The following MCTP2 variants were observed in gnomAD, a reference collection of about 807,000 sequenced individuals.
MCTP2 encodes multiple C2 and transmembrane domain-containing protein 2.
A neutral mutation model predicts 111.6 loss-of-function variants in MCTP2; 132 were observed. That is an observed-to-expected ratio of 1.18 (90% CI 1.03 to 1.37). The LOEUF is 1.37. MCTP2 is among the 40% of genes most tolerant of loss of function. The probability of loss-of-function intolerance (pLI) is 0.00; values close to 1 mark genes in which losing one functional copy is unlikely to be tolerated. For missense variants in MCTP2, 1,183 were observed against 1,067.9 expected (o/e 1.11, Z -1.50); for synonymous variants, 395 against 387.7 (o/e 1.02, Z -0.22).
At chr15:94,379,340 C>T (rs2079967627) in intron 12 of MCTP2, among the ~76,000 whole-genome samples, 1 of 152,010 alleles carries the variant, frequency 6.6e-6, no homozygotes, top group African/African-American at 2.4e-5. Context: ...TTAAAATGTG[C>T]TCCAATATCT....
At chr15:94,276,212 A>C (rs2074203411) in intron 1 of MCTP2, among the ~76,000 whole-genome samples, 1 of 152,204 alleles carries the variant, frequency 6.6e-6, no homozygotes. Flanking sequence ...AGAAAAAATA[A>C]TACTAAAAAT....
chr15:94,244,860 A>T (rs2152245826), intron 1 of MCTP2, among the ~76,000 whole-genome samples: 1 of 112,930 alleles, frequency 8.9e-6, no homozygotes, highest in African/African-American at 2.9e-5. Flanking sequence ...GTATACACAT[A>T]CATATGCACC....
chr15:94,402,696 A>T (rs760845918), intron 17 of MCTP2: 13 of 1,468,786 alleles, frequency 8.9e-6, no homozygotes, highest in Non-Finnish European at 1.2e-5. Context: ...ATTTTCTCTC[A>T]TTTGTAAAGG....
chr15:94,241,748 T>G (rs1218785284), intron 1 of MCTP2, among the ~76,000 whole-genome samples: 1 of 152,028 alleles, frequency 6.6e-6, no homozygotes, highest in Non-Finnish European at 1.5e-5. Flanking sequence ...ATCCTGTGCC[T>G]CTAGGCACAA....
chr15:94,355,013 G>T (rs1313571243), intron 8 of MCTP2, among the ~76,000 whole-genome samples: 1 of 152,206 alleles, frequency 6.6e-6, no homozygotes, highest in Non-Finnish European at 1.5e-5. Context: ...GCCTATGCTT[G>T]TGTTATTTCA....
At chr15:94,360,080 C>CT (rs1219083826) in intron 10 of MCTP2, among the ~76,000 whole-genome samples, 1 of 152,276 alleles carries the variant, frequency 6.6e-6, no homozygotes, top group South Asian at 2.1e-4. Context: ...CACAGCATCC[C>CT]TTTTTTTCAT....
At chr15:94,330,275 A>G (rs1178850864) in intron 4 of MCTP2, among the ~76,000 whole-genome samples, 1 of 152,150 alleles carries the variant, frequency 6.6e-6, no homozygotes, top group Non-Finnish European at 1.5e-5. Flanking sequence ...TTTTCTATAA[A>G]GGCTGGTGTC....
At chr15:94,338,487 CATTTTT>C (rs779025075) in intron 4 of MCTP2, among the ~76,000 whole-genome samples, 3 of 115,662 alleles carry the variant, frequency 2.6e-5, no homozygotes, top group African/African-American at 1.2e-4. Context: ...TGTTTGCAGG[CATTTTT>C]TTTTTTTTTT....
chr15:94,451,405 A>C (rs2084455415), intron 19 of MCTP2, among the ~76,000 whole-genome samples: 1 of 152,224 alleles, frequency 6.6e-6, no homozygotes, highest in Non-Finnish European at 1.5e-5. Flanking sequence ...AATTTTATTT[A>C]TGCCTCCACA....
chr15:94,370,312 C>A, intron 12 of MCTP2, 132 bp downstream of exon 12: 3 of 603,706 alleles, frequency 5.0e-6, no homozygotes, highest in Non-Finnish European at 8.1e-6. Context: ...AGAGTCATAG[C>A]AAAAAAGAGG....
intron 4 of MCTP2, among the ~76,000 whole-genome samples, chr15:94,338,463 T>A (rs540002103): frequency 6.6e-6 from 1 of 151,370 alleles, no homozygotes; most frequent in African/African-American, 2.4e-5. Flanking sequence ...GCACAATACA[T>A]AATTCATGTA....
chr15:94,324,560 C>G (rs1220244413), intron 4 of MCTP2, among the ~76,000 whole-genome samples: 2 of 152,176 alleles, frequency 1.3e-5, no homozygotes. Context: ...TAAATGAACA[C>G]TCATTCAGAA....
chr15:94,379,083 A>G (rs554400583), intron 12 of MCTP2, among the ~76,000 whole-genome samples: 1 of 148,552 alleles, frequency 6.7e-6, no homozygotes, highest in African/African-American at 2.6e-5. Flanking sequence ...TTTTTTTTTA[A>G]TGTTTTCCTT....
intron 2 of MCTP2, 60 bp downstream of exon 2, chr15:94,298,790 C>A: frequency 8.8e-7 from 1 of 1,141,996 alleles, no homozygotes; most frequent in Non-Finnish European, 1.2e-6. Context: ...CTTTCCCTCT[C>A]TTTCTCCCTC....
intron 1 of MCTP2, among the ~76,000 whole-genome samples, chr15:94,272,788 T>G (rs1171312506): frequency 6.6e-6 from 1 of 152,190 alleles, no homozygotes; most frequent in Non-Finnish European, 1.5e-5. Flanking sequence ...TTTATGCTGC[T>G]CTAAGAAACC....
At chr15:94,478,523 T>A (rs1232988813) in intron 22 of MCTP2, among the ~76,000 whole-genome samples, 2 of 152,196 alleles carry the variant, frequency 1.3e-5, no homozygotes, top group African/African-American at 4.8e-5. Flanking sequence ...ATTTCAGCAT[T>A]TTTTCCTCTC....
At chr15:94,296,757 A>T in intron 1 of MCTP2, among the ~76,000 whole-genome samples, 1 of 152,190 alleles carries the variant, frequency 6.6e-6, no homozygotes, top group South Asian at 2.1e-4. Flanking sequence ...ACCTGGTCCT[A>T]CCTCTAAGTA....
intron 17 of MCTP2, chr15:94,403,157 G>A: frequency 1.0e-6 from 1 of 985,880 alleles, no homozygotes; most frequent in Non-Finnish European, 1.2e-6. Context: ...CGGTGTAGAG[G>A]ACCTATGCTG....
At chr15:94,299,968 T>G (rs369679326) in intron 2 of MCTP2, among the ~76,000 whole-genome samples, 8 of 152,362 alleles carry the variant, frequency 5.3e-5, no homozygotes, top group African/African-American at 1.9e-4. Flanking sequence ...TTGTAAACCT[T>G]TTTTGACTTT....
Sources: allele counts gnomAD v4.1 joint callset (sites outside exome capture counted in the v4.1 genomes callset), GRCh38; gene constraint gnomAD v4.1.1; transcripts MANE v1.5; gene names NCBI Gene and HGNC (gene_info 2026-07-23, HGNC 2026-07-21).